COL8A1: variants seen among roughly 807,000 people sequenced by gnomAD.
COL8A1 encodes the protein collagen alpha-1(VIII) chain.
In COL8A1, 21 loss-of-function variants were observed where a neutral mutation model predicts 42.7. The observed-to-expected ratio is 0.49, with a 90% confidence interval of 0.35 to 0.71. The LOEUF (loss-of-function observed/expected upper bound fraction) is 0.71. COL8A1 is among the 30% of genes least tolerant of loss of function. The pLI is 0.01. For missense variants in COL8A1, 788 were observed against 962.4 expected (o/e 0.82, Z 2.40); for synonymous variants, 367 against 369.1 (o/e 0.99, Z 0.06).
chr3:99,711,442 C>A (rs1274638327), intron 1 of COL8A1, among the ~76,000 whole-genome samples: 1 of 152,152 alleles, frequency 6.6e-6, no homozygotes, highest in East Asian at 1.9e-4. Context: ...AACCCATTCT[C>A]GCCTTTCTTT....
intron 2 of COL8A1, among the ~76,000 whole-genome samples, chr3:99,781,683 T>G (rs1220308097): frequency 6.6e-6 from 1 of 152,224 alleles, no homozygotes; most frequent in Non-Finnish European, 1.5e-5. Context: ...CAAACTGTAC[T>G]AGTGCATGTA....
chr3:99,665,105 C>T (rs563145906), intron 1 of COL8A1, among the ~76,000 whole-genome samples: 102 of 152,338 alleles, frequency 6.7e-4, no homozygotes, highest in African/African-American at 2.3e-3. Flanking sequence ...CCCTCATCCC[C>T]TTCCATGTTG....
At chr3:99,768,862 G>A (rs1320401533) in intron 2 of COL8A1, among the ~76,000 whole-genome samples, 1 of 152,166 alleles carries the variant, frequency 6.6e-6, no homozygotes, top group Non-Finnish European at 1.5e-5. Flanking sequence ...ATAGGTAAAG[G>A]TTAATCTTAT....
chr3:99,660,226 C>A (rs1938161597), intron 1 of COL8A1, among the ~76,000 whole-genome samples: 1 of 152,178 alleles, frequency 6.6e-6, no homozygotes, highest in Non-Finnish European at 1.5e-5. Context: ...TTTGCATAAG[C>A]TCTCCAAAGT....
intron 1 of COL8A1, among the ~76,000 whole-genome samples, chr3:99,718,605 T>C (rs775317647): frequency 2.0e-5 from 3 of 152,042 alleles, no homozygotes; most frequent in African/African-American, 2.4e-5. Flanking sequence ...AAGTGACTGA[T>C]AGTTGTTTCT....
intron 1 of COL8A1, among the ~76,000 whole-genome samples, chr3:99,706,742 T>C (rs1427785095): frequency 6.6e-6 from 1 of 152,228 alleles, no homozygotes; most frequent in Non-Finnish European, 1.5e-5. Flanking sequence ...TTAACTCAGC[T>C]CTGTCCTTTA....
chr3:99,727,849 A>G (rs1940383092), intron 1 of COL8A1, among the ~76,000 whole-genome samples: 1 of 152,118 alleles, frequency 6.6e-6, no homozygotes, highest in Non-Finnish European at 1.5e-5. Context: ...ACACAAATCA[A>G]TAAATGTAAT....
intron 1 of COL8A1, among the ~76,000 whole-genome samples, chr3:99,643,694 T>C (rs1937572689): frequency 6.6e-6 from 1 of 152,228 alleles, no homozygotes; most frequent in Non-Finnish European, 1.5e-5. Context: ...CTAAGCCGTT[T>C]TCCTGTCTGC....
chr3:99,666,344 G>A (rs903762614), intron 1 of COL8A1, among the ~76,000 whole-genome samples: 2 of 151,892 alleles, frequency 1.3e-5, no homozygotes, highest in African/African-American at 2.4e-5. Flanking sequence ...AGCTCCTTGA[G>A]CTTCAAAATG....
intron 1 of COL8A1, among the ~76,000 whole-genome samples, chr3:99,676,738 T>A (rs1938709934): frequency 1.3e-5 from 2 of 152,066 alleles, no homozygotes; most frequent in African/African-American, 4.8e-5. Flanking sequence ...ATAAGAGGCA[T>A]AAGGAATTGG....
At chr3:99,660,981 G>C (rs1350955651) in intron 1 of COL8A1, among the ~76,000 whole-genome samples, 1 of 152,160 alleles carries the variant, frequency 6.6e-6, no homozygotes, top group Non-Finnish European at 1.5e-5. Flanking sequence ...TGGAAATGGG[G>C]TAATGATCAT....
In COL8A1 at chr3:99,758,661, C is replaced by T. The variant is rs145568684; in HGVS notation, c.-4+13640C>T. Among the ~76,000 whole-genome samples, 31 of 152,246 alleles carry T rather than the reference C, an allele frequency of 2.0e-4. No homozygotes were observed. In the East Asian group the frequency reaches 4.6e-3, roughly 23 times the overall value. Reference sequence around the variant, plus strand: ...TCCACTCCCCAAGCCTTTCTAATCACGTTCCATGTAGAGAAGACTGGGAAC... The same window carrying T: ...TCCACTCCCCAAGCCTTTCTAATCATGTTCCATGTAGAGAAGACTGGGAAC... On this transcript the variant is annotated intron_variant, in intron 2 of 3. Transcript: ENST00000652472.
At chr3:99,746,627 T>C (rs928580925) in intron 2 of COL8A1, among the ~76,000 whole-genome samples, 7 of 152,248 alleles carry the variant, frequency 4.6e-5, no homozygotes, top group African/African-American at 9.6e-5. Flanking sequence ...GGTGGAAATA[T>C]CAAAAATACA....
At chr3:99,738,487 T>G (rs539256529) in intron 1 of COL8A1, among the ~76,000 whole-genome samples, 1 of 152,350 alleles carries the variant, frequency 6.6e-6, no homozygotes, top group South Asian at 2.1e-4. Flanking sequence ...CGCTGCCGTG[T>G]GAGGTGTCAG....
At chr3:99,773,627 G>C (rs149885291) in intron 2 of COL8A1, among the ~76,000 whole-genome samples, 31 of 150,940 alleles carry the variant, frequency 2.1e-4, no homozygotes, top group Non-Finnish European at 4.3e-4. Context: ...AATCCAAAAG[G>C]TACTTTAACG....
chr3:99,777,682 G>C (rs1018071777), intron 2 of COL8A1, among the ~76,000 whole-genome samples: 2 of 152,190 alleles, frequency 1.3e-5, no homozygotes, highest in African/African-American at 4.8e-5. Context: ...CGTTTTTCTA[G>C]TGTTAACAAA....
chr3:99,678,829 T>A (rs1938779855), intron 1 of COL8A1: 1 of 152,166 alleles, frequency 6.6e-6, no homozygotes, highest in African/African-American at 2.4e-5. Flanking sequence ...TTTTTCACAT[T>A]GGGAATATAA....
At chr3:99,788,410 T>C (rs793496) in intron 2 of COL8A1, among the ~76,000 whole-genome samples, 124,371 of 152,156 alleles carry the variant, frequency 0.82, 51,149 homozygotes, top group African/African-American at 0.91. Context: ...TAATCCAACA[T>C]ATCCACTGAA....
At position 99,789,761 on chromosome 3, in the gene COL8A1, T is replaced by A. The variant is rs1163292584; in HGVS notation, c.-3-919T>A. Among the ~76,000 whole-genome samples the A allele has an allele frequency of 2.0e-5, 3 of 152,206 alleles. No individual in the cohort carries two copies. The East Asian group carries it at 5.8e-4, about 29-fold the overall frequency. ...TATTAATAGTTAAACATCTCCCTCT[T>A]ATTCATACAACTCTTGCTTTGTAAA... On this transcript the variant is annotated intron_variant, in intron 2 of 3. Coordinates refer to ENST00000652472, the MANE Select transcript of COL8A1 (RefSeq NM_020351.4).
Sources: gnomAD v4.1 joint callset for allele counts (sites outside exome capture counted in the v4.1 genomes callset) on GRCh38, gnomAD v4.1.1 for gene constraint, MANE v1.5 for transcripts, NCBI Gene and HGNC (gene_info 2026-07-23, HGNC 2026-07-21) for gene names.